TTC39B: variants seen among roughly 807,000 people sequenced by gnomAD.
The protein encoded by TTC39B is tetratricopeptide repeat domain 39B, also known as tetratricopeptide repeat protein 39B.
A neutral mutation model predicts 96.6 loss-of-function variants in TTC39B; 92 were observed. The observed-to-expected ratio is 0.95, with a 90% CI of 0.80 to 1.13. The LOEUF (loss-of-function observed/expected upper bound fraction) is 1.13. Ranked by LOEUF, TTC39B falls within the 50% of genes most tolerant of loss-of-function variation. The pLI, the probability that TTC39B is intolerant of heterozygous loss-of-function variation, is 0.00. For missense variants in TTC39B, 955 were observed against 809.3 expected (o/e 1.18, Z -2.18); for synonymous variants, 367 against 299.4 (o/e 1.23, Z -2.33).
At chr9:15,234,079 G>A (rs1821621017) in intron 2 of TTC39B, among the ~76,000 whole-genome samples, 1 of 149,186 alleles carries the variant, frequency 6.7e-6, no homozygotes, top group Non-Finnish European at 1.5e-5. Context: ...CCTCTGCCCG[G>A]CCGCGACCCC....
chr9:15,166,982 T>TATATATA (rs1817529336), exon 20 of TTC39B: 1 of 20,278 alleles, frequency 4.9e-5, no homozygotes, highest in Non-Finnish European at 8.8e-5. Flanking sequence ...AACCTTTATT[T>TATATATA]TATATATATA....
At position 15,262,942 on chromosome 9, in the gene TTC39B, T is replaced by C. The variant is rs149319937; in HGVS notation, c.275+4972A>G. On this transcript the variant is annotated intron_variant, in intron 2 of 19. Transcript: ENST00000512701. ...AGAATTCACAAAGGGAATGTTATAG[T>C]ATCACCAATTTAAGAGGAAATGTGA... Among the ~76,000 whole-genome samples, 11 of 152,364 alleles carry C rather than the reference T, an allele frequency of 7.2e-5. No individual in the cohort carries two copies. The East Asian group carries it at 2.1e-3, about 29-fold the overall frequency.
At chr9:15,287,344 C>A (rs1587011793) in intron 1 of TTC39B, among the ~76,000 whole-genome samples, 2 of 152,170 alleles carry the variant, frequency 1.3e-5, no homozygotes, top group East Asian at 3.9e-4. Context: ...AAAGAACTGC[C>A]AAAATTAAGA....
intron 9 of TTC39B, 140 bp from the exon 10 acceptor site, chr9:15,191,395 C>T: frequency 1.7e-6 from 1 of 604,694 alleles, no homozygotes; most frequent in Non-Finnish European, 2.9e-6. Context: ...ATTTCTGTTA[C>T]CACATACTGT....
chr9:15,189,033 CAT>C (rs967210478), intron 13 of TTC39B, among the ~76,000 whole-genome samples: 1 of 151,920 alleles, frequency 6.6e-6, no homozygotes, highest in Non-Finnish European at 1.5e-5. Flanking sequence ...AGATCCAAGA[CAT>C]ATTGTAAACA....
At chr9:15,262,071 T>C (rs1365635792) in intron 2 of TTC39B, among the ~76,000 whole-genome samples, 1 of 152,094 alleles carries the variant, frequency 6.6e-6, no homozygotes, top group Non-Finnish European at 1.5e-5. Context: ...ACAGACTATT[T>C]TAATTTTTAT....
chr9:15,274,935 G>C (rs1395134797), intron 1 of TTC39B, among the ~76,000 whole-genome samples: 1 of 151,990 alleles, frequency 6.6e-6, no homozygotes, highest in Admixed American at 6.6e-5. Context: ...ACATTCATCA[G>C]TTGAGATTAA....
At chr9:15,202,875 T>C (rs918309791) in intron 7 of TTC39B, among the ~76,000 whole-genome samples, 3 of 152,210 alleles carry the variant, frequency 2.0e-5, no homozygotes, top group Non-Finnish European at 4.4e-5. Context: ...TGAAAGTTTA[T>C]GTTTTACAGA....
rs149215011 is a variant in TTC39B, at chr9:15,280,295, A to G, written c.241-12347T>C. Among the ~76,000 whole-genome samples the G allele has an allele frequency of 6.4e-3, 974 of 152,308 alleles. 7 individuals are homozygous for G. Among genetic ancestry groups the G allele is most frequent in the African/African-American group, 0.023 (939 of 41,566 alleles). ...AACAGTCACAAACTGCATAGCTGCA[A>G]CTGAGATCACAGAGTCCTCAAAGCC... On this transcript the variant is annotated intron_variant, in intron 1 of 19. Coordinates refer to ENST00000512701, the Ensembl canonical transcript of TTC39B.
intron 1 of TTC39B, among the ~76,000 whole-genome samples, chr9:15,286,596 G>C (rs1347283316): frequency 6.6e-6 from 1 of 152,204 alleles, no homozygotes; most frequent in East Asian, 1.9e-4. Flanking sequence ...TCTCCGGTGA[G>C]ATAGTGTAAG....
intron 2 of TTC39B, among the ~76,000 whole-genome samples, chr9:15,265,841 GA>G (rs1295797532): frequency 6.6e-6 from 1 of 152,018 alleles, no homozygotes; most frequent in African/African-American, 2.4e-5. Context: ...CATGAGGGGG[GA>G]AAAACAGACC....
chr9:15,285,447 C>T (rs1823932490), intron 1 of TTC39B, among the ~76,000 whole-genome samples: 2 of 152,154 alleles, frequency 1.3e-5, no homozygotes, highest in Non-Finnish European at 2.9e-5. Flanking sequence ...ATAGATACCC[C>T]AATTACCCTG....
chr9:15,199,091 G>A (rs1185735648), intron 8 of TTC39B, among the ~76,000 whole-genome samples: 1 of 152,192 alleles, frequency 6.6e-6, no homozygotes, highest in East Asian at 1.9e-4. Context: ...GATGACTCCA[G>A]ATTCAAACTT....
intron 1 of TTC39B, among the ~76,000 whole-genome samples, chr9:15,274,421 T>C (rs1823464233): frequency 6.6e-6 from 1 of 152,264 alleles, no homozygotes; most frequent in Non-Finnish European, 1.5e-5. Context: ...AGTTTCATAT[T>C]GCATGAAAGA....
Position 15,187,974 on chromosome 9 carries a change from G to A in TTC39B, c.1392C>T (p.Ser464=), listed in dbSNP as rs372841195. 8 of 1,583,210 alleles carry A rather than the reference G, an allele frequency of 5.1e-6. No homozygotes were observed. The African/African-American group carries it at 6.8e-5, about 14-fold the overall frequency. The stretch of plus-strand genomic sequence containing the variant: ...TAATGAAAGTATTGCACTTTACCTT[G>A]GACCATTTACTCTCTTTGCAAAGCA... The change falls in exon 14 of 20, where the codon TCC becomes TCT. Residue 464 remains serine (S), a synonymous_variant. Coordinates refer to ENST00000512701, the Ensembl canonical transcript of TTC39B.
intron 19 of TTC39B, among the ~76,000 whole-genome samples, chr9:15,173,198 A>C (rs1417757057): frequency 6.6e-6 from 1 of 152,100 alleles, no homozygotes; most frequent in Non-Finnish European, 1.5e-5. Flanking sequence ...ATAATCCATA[A>C]TTTTCCAATA....
chr9:15,166,028 T>G (rs549744409), exon 20 of TTC39B: 2 of 152,316 alleles, frequency 1.3e-5, no homozygotes, highest in Middle Eastern at 3.4e-3. Flanking sequence ...TACCAATAAT[T>G]AAAACTAATT....
intron 2 of TTC39B, among the ~76,000 whole-genome samples, chr9:15,230,661 C>A (rs768233103): frequency 6.6e-6 from 1 of 152,096 alleles, no homozygotes; most frequent in Non-Finnish European, 1.5e-5. Flanking sequence ...GTGGCCATTA[C>A]GAATAATGCT....
At chr9:15,171,927 T>G in exon 20 of TTC39B, 1 of 973,638 alleles carries the variant, frequency 1.0e-6, no homozygotes. Context: ...TTGTCTCTTA[T>G]TCACAAGATC....
Sources: allele counts gnomAD v4.1 joint callset (sites outside exome capture counted in the v4.1 genomes callset), GRCh38; gene constraint gnomAD v4.1.1; transcripts MANE v1.5; gene names NCBI Gene and HGNC (gene_info 2026-07-23, HGNC 2026-07-21).